Variants in PDE4D observed in about 807,000 individuals in gnomAD.
The protein encoded by PDE4D is 3',5'-cyclic-AMP phosphodiesterase 4D.
A neutral mutation model predicts 87.4 loss-of-function variants in PDE4D; 24 were observed. That is an observed-to-expected ratio of 0.27 (90% confidence interval 0.20 to 0.39). The LOEUF (loss-of-function observed/expected upper bound fraction) is 0.39. Ranked by LOEUF, PDE4D falls within the 10% of genes least tolerant of loss-of-function variation. The probability of loss-of-function intolerance (pLI) is 1.00; values close to 1 mark genes in which losing one functional copy is unlikely to be tolerated. For synonymous variants in PDE4D, 384 were observed against 383.2 expected (o/e 1.00, Z -0.02); for missense variants, 714 against 1,041.0 (o/e 0.69, Z 4.32).
At chr5:58,991,701 C>T in intron 8 of PDE4D, 131 bp downstream of exon 8, 1 of 515,904 alleles carries the variant, frequency 1.9e-6, no homozygotes, top group Non-Finnish European at 2.9e-6. Context: ...AAATGCCTTC[C>T]CATCTTCAAA....
chr5:60,511,793 G>C (rs1332953883), intron 1 of PDE4D, among the ~76,000 whole-genome samples: 1 of 151,608 alleles, frequency 6.6e-6, no homozygotes, highest in Non-Finnish European at 1.5e-5. Context: ...TTTTAGTACA[G>C]AAAAAATATT....
intron 1 of PDE4D, among the ~76,000 whole-genome samples, chr5:60,446,140 A>G (rs1745621534): frequency 6.6e-6 from 1 of 152,126 alleles, no homozygotes; most frequent in Admixed American, 6.6e-5. Context: ...TTAGAAAACA[A>G]CACTACTTAA....
chr5:59,372,584 C>G (rs951841067), intron 1 of PDE4D, among the ~76,000 whole-genome samples: 3 of 152,168 alleles, frequency 2.0e-5, no homozygotes, highest in Non-Finnish European at 2.9e-5. Context: ...CTACCCTGAG[C>G]TATCACTCCT....
intron 2 of PDE4D, among the ~76,000 whole-genome samples, chr5:60,107,905 C>A (rs1777189303): frequency 6.6e-6 from 1 of 152,148 alleles, no homozygotes; most frequent in Non-Finnish European, 1.5e-5. Flanking sequence ...CAATATCATA[C>A]TGAATGGGCA....
At chr5:59,828,473 G>T (rs1561727611) in intron 1 of PDE4D, among the ~76,000 whole-genome samples, 1 of 151,930 alleles carries the variant, frequency 6.6e-6, no homozygotes, top group Admixed American at 6.6e-5. Flanking sequence ...ATGACCTATA[G>T]AAGGCAGACC....
chr5:59,450,984 C>T lies in PDE4D; in HGVS notation c.456-235016G>A, dbSNP rs547023857. 9.8e-5 allele frequency among the ~76,000 whole-genome samples: 15 copies of T among 152,300 alleles called. No homozygotes were observed. The East Asian group carries it at 2.9e-3, about 29-fold the overall frequency. On this transcript the variant is annotated intron_variant, in intron 1 of 14. Transcript: ENST00000340635. Reference sequence around the variant, plus strand: ...TCCCTATCCAGATACTTCTTACCTCCTCCTCACTCTGAGCATAATTTCTTG... The same window carrying T: ...TCCCTATCCAGATACTTCTTACCTCTTCCTCACTCTGAGCATAATTTCTTG...
chr5:59,510,613 T>C (rs1048415412), intron 1 of PDE4D, among the ~76,000 whole-genome samples: 8 of 151,810 alleles, frequency 5.3e-5, no homozygotes, highest in Non-Finnish European at 8.9e-5. Context: ...TTAGTAGAGA[T>C]AGACAGACAT....
intron 5 of PDE4D, among the ~76,000 whole-genome samples, chr5:59,115,583 G>T (rs2153441947): frequency 6.6e-6 from 1 of 152,272 alleles, no homozygotes; most frequent in East Asian, 1.9e-4. Context: ...ATTATCTTCA[G>T]TGAGTGAACA....
intron 3 of PDE4D, among the ~76,000 whole-genome samples, chr5:59,961,258 A>C (rs1759435518): frequency 6.6e-6 from 1 of 151,850 alleles, no homozygotes; most frequent in Admixed American, 6.6e-5. Context: ...TCCTCAAGAA[A>C]TTATGTTTAA....
Position 59,493,676 on chromosome 5 carries a change from T to C in PDE4D, c.456-277708A>G, listed in dbSNP as rs1178539624. ...ATGATAGGTGTCCTGGTGATTTAAA[T>C]ACATAATTACAATGTTTTAATGTAT... On this transcript the variant is annotated intron_variant, in intron 1 of 14. Coordinates refer to ENST00000340635, the MANE Select transcript of PDE4D (RefSeq NM_001104631.2). Among the ~76,000 whole-genome samples the C allele has an allele frequency of 5.3e-5, 8 of 152,238 alleles. No homozygotes were observed. The East Asian group carries it at 1.5e-3, about 29-fold the overall frequency.
intron 2 of PDE4D, among the ~76,000 whole-genome samples, chr5:59,196,093 G>A (rs909237271): frequency 6.6e-6 from 1 of 151,872 alleles, no homozygotes; most frequent in Non-Finnish European, 1.5e-5. Context: ...AAAAAGTTCT[G>A]GGGAAAAAAA....
intron 1 of PDE4D, among the ~76,000 whole-genome samples, chr5:59,354,086 C>T (rs1250387555): frequency 6.6e-6 from 1 of 151,880 alleles, no homozygotes; most frequent in African/African-American, 2.4e-5. Context: ...TAAGTGTACC[C>T]CCAGTAGCAT....
intron 2 of PDE4D, among the ~76,000 whole-genome samples, chr5:59,207,475 T>C (rs1489758309): frequency 1.3e-5 from 2 of 152,140 alleles, no homozygotes; most frequent in Non-Finnish European, 2.9e-5. Context: ...TCCAGGTTAC[T>C]GGACTAGTTT....
chr5:60,162,815 C>T (rs959455316), intron 2 of PDE4D, among the ~76,000 whole-genome samples: 1 of 151,706 alleles, frequency 6.6e-6, no homozygotes, highest in Non-Finnish European at 1.5e-5. Context: ...ATTAATTTTC[C>T]CTTATCCCAG....
At chr5:59,736,519 A>G (rs1048371343) in intron 1 of PDE4D, among the ~76,000 whole-genome samples, 1 of 152,100 alleles carries the variant, frequency 6.6e-6, no homozygotes, top group African/African-American at 2.4e-5. Context: ...TCTCTACTAA[A>G]AATTCAAAAA....
At chr5:59,606,166 A>G (rs986990096) in intron 1 of PDE4D, among the ~76,000 whole-genome samples, 1 of 152,086 alleles carries the variant, frequency 6.6e-6, no homozygotes, top group Non-Finnish European at 1.5e-5. Flanking sequence ...TGTGAACCCC[A>G]GATCAACTCG....
At chr5:59,869,466 T>C (rs1393630744) in intron 1 of PDE4D, among the ~76,000 whole-genome samples, 2 of 152,194 alleles carry the variant, frequency 1.3e-5, no homozygotes, top group Non-Finnish European at 2.9e-5. Flanking sequence ...GTGCTGTCAA[T>C]ATACACATGC....
At chr5:60,095,381 C>T (rs140084886) in intron 2 of PDE4D, among the ~76,000 whole-genome samples, 2 of 152,266 alleles carry the variant, frequency 1.3e-5, no homozygotes, top group African/African-American at 4.8e-5. Context: ...GACAAGAGCT[C>T]ATCCTTTTTT....
intron 2 of PDE4D, among the ~76,000 whole-genome samples, chr5:60,150,058 CTAGTATATATGACTAGTATA>C (rs1478694483): frequency 2.8e-5 from 4 of 145,012 alleles, no homozygotes; most frequent in African/African-American, 1.0e-4. Flanking sequence ...ATTCTATATA[CTAGTATATATGACTAGTATA>C]TAGAATTATA....
Sources: allele counts gnomAD v4.1 joint callset (sites outside exome capture counted in the v4.1 genomes callset), GRCh38; gene constraint gnomAD v4.1.1; transcripts MANE v1.5; gene names NCBI Gene and HGNC (gene_info 2026-07-23, HGNC 2026-07-21).